TENM1: variants seen among roughly 807,000 people sequenced by gnomAD.
The protein encoded by TENM1 is teneurin-1.
In TENM1, 35 loss-of-function variants were observed where a neutral mutation model predicts 174.8. The ratio of observed to expected loss-of-function variants is 0.20; its 90% CI spans 0.15 to 0.27. The LOEUF (loss-of-function observed/expected upper bound fraction) is 0.27, where lower values mean the gene tolerates loss of function less well. Ranked by LOEUF, TENM1 falls within the 10% of genes least tolerant of loss-of-function variation. TENM1 has a pLI of 1.00. For missense variants in TENM1, 1,633 were observed against 2,130.1 expected (o/e 0.77, Z 4.59); for synonymous variants, 781 against 798.7 (o/e 0.98, Z 0.37).
intron 3 of TENM1, among the ~76,000 whole-genome samples, chrX:124,802,756 A>C (rs1165322261): frequency 9.0e-6 from 1 of 111,469 alleles, no homozygotes; most frequent in African/African-American, 3.3e-5. Flanking sequence ...CCCACCCCCC[A>C]ATAAAGGTTT....
At chrX:124,587,392 A>G (rs1446207785) in intron 11 of TENM1, among the ~76,000 whole-genome samples, 2 of 107,793 alleles carry the variant, frequency 1.9e-5, no homozygotes, top group African/African-American at 6.8e-5. Context: ...CCACATATCT[A>G]CAACTATCTG....
intron 4 of TENM1, among the ~76,000 whole-genome samples, chrX:124,719,248 G>A (rs2053254964): frequency 9.1e-6 from 1 of 109,825 alleles, no homozygotes; most frequent in African/African-American, 3.3e-5. Flanking sequence ...TTTGCACTTG[G>A]GATTGGTCTA....
rs11281621 is a variant in TENM1, at chrX:124,524,789, T to TGGTTC, written c.2772-1165_2772-1164insGAACC. 9.3e-5 allele frequency among the ~76,000 whole-genome samples: 6 copies of TGGTTC among 64,700 alleles called. No individual in the cohort carries two copies. In the African/African-American group the frequency reaches 9.6e-4, roughly 10 times the overall value. 56.2% of individuals were successfully genotyped at this position (64,700 alleles called of 115,157 possible). ...AGATTTCATTTCATTCTGCACTAGA[T>TGGTTC]TACTTCTCTTTTAAGTATAATGACG... On this transcript the variant is annotated intron_variant, in intron 16 of 31. Coordinates refer to ENST00000422452, the Ensembl canonical transcript of TENM1.
intron 23 of TENM1, among the ~76,000 whole-genome samples, chrX:124,430,928 T>G (rs1296228786): frequency 8.9e-6 from 1 of 111,854 alleles, no homozygotes; most frequent in African/African-American, 3.3e-5. Context: ...CTTAATTGAT[T>G]TCCTTTCTTC....
At chrX:124,557,079 G>A (rs1198529548) in intron 14 of TENM1, among the ~76,000 whole-genome samples, 1 of 111,755 alleles carries the variant, frequency 8.9e-6, no homozygotes, top group Non-Finnish European at 1.9e-5. Flanking sequence ...TAACATTTGA[G>A]TGAAACATTT....
chrX:124,880,099 A>C (rs1243518317), intron 3 of TENM1, among the ~76,000 whole-genome samples: 1 of 111,749 alleles, frequency 8.9e-6, no homozygotes, highest in Non-Finnish European at 1.9e-5. Context: ...TGGCATTTTC[A>C]TAAGGATTGC....
At chrX:124,544,694 T>C (rs1001021320) in intron 15 of TENM1, among the ~76,000 whole-genome samples, 4 of 111,970 alleles carry the variant, frequency 3.6e-5, no homozygotes, top group Admixed American at 9.5e-5. Flanking sequence ...ATTTACCTAG[T>C]ATAAATTTGG....
intron 11 of TENM1, among the ~76,000 whole-genome samples, chrX:124,612,202 G>T (rs1187480054): frequency 9.0e-6 from 1 of 110,982 alleles, no homozygotes; most frequent in Non-Finnish European, 1.9e-5. Flanking sequence ...ATGATTTCAA[G>T]GTGTGTGTGT....
the TENM1 span, among the ~76,000 whole-genome samples, chrX:125,001,331 T>A: frequency 9.0e-6 from 1 of 111,242 alleles, no homozygotes; most frequent in Non-Finnish European, 1.9e-5. Flanking sequence ...TTGACTGAGT[T>A]AGGTGAGATT....
At chrX:125,158,777 T>A in the TENM1 span, among the ~76,000 whole-genome samples, 8 of 111,612 alleles carry the variant, frequency 7.2e-5, no homozygotes, top group Non-Finnish European at 1.3e-4. Context: ...CACCCACAGT[T>A]TTAAGACACT....
chrX:124,381,200 C>T (rs764579928), exon 32 of TENM1: 6 of 1,206,666 alleles, frequency 5.0e-6, no homozygotes, highest in African/African-American at 1.7e-5. Flanking sequence ...TTCAAGGCAC[C>T]GTCCATCATT....
the TENM1 span, among the ~76,000 whole-genome samples, chrX:125,081,857 G>A: frequency 2.7e-5 from 3 of 110,963 alleles, no homozygotes; most frequent in Admixed American, 9.6e-5. Flanking sequence ...GGATGGAACC[G>A]GACAGGTCAT....
intron 5 of TENM1, among the ~76,000 whole-genome samples, chrX:124,677,589 G>A (rs949249934): frequency 2.1e-4 from 23 of 111,559 alleles, no homozygotes; most frequent in African/African-American, 7.5e-4. Flanking sequence ...AAGGAAATTC[G>A]CCATTGCATT....
In TENM1 at chrX:124,664,880, G is replaced by A. The variant is rs189167637; in HGVS notation, c.1168+6803C>T. ...GCCGTTATTTAAACAAACTGGCTTT[G>A]AGAAAGGAATTTTTTTGAAAAATGA... On this transcript the variant is annotated intron_variant, in intron 6 of 31. Transcript: ENST00000422452. 5.0e-3 allele frequency among the ~76,000 whole-genome samples: 561 copies of A among 111,335 alleles called. 3 individuals are homozygous for A. Among genetic ancestry groups the A allele is most frequent in the Non-Finnish European group, 8.9e-3 (472 of 53,104 alleles).
intron 3 of TENM1, among the ~76,000 whole-genome samples, chrX:124,797,939 A>G (rs1423074905): frequency 9.0e-6 from 1 of 111,044 alleles, no homozygotes; most frequent in Non-Finnish European, 1.9e-5. Flanking sequence ...GAGTGAGAAC[A>G]TGCAGTGTTT....
chrX:124,659,783 A>G (rs777726733), intron 6 of TENM1, among the ~76,000 whole-genome samples: 130 of 112,150 alleles, frequency 1.2e-3, no homozygotes, highest in Non-Finnish European at 2.0e-3. Flanking sequence ...ATAGATATAT[A>G]GATCAATGGA....
intron 25 of TENM1, among the ~76,000 whole-genome samples, chrX:124,408,440 G>A (rs181466073): frequency 3.3e-4 from 37 of 111,515 alleles, no homozygotes; most frequent in African/African-American, 1.0e-3. Flanking sequence ...CACCACGCCC[G>A]GCCCACTGTC....
the TENM1 span, among the ~76,000 whole-genome samples, chrX:124,997,309 C>A: frequency 9.0e-6 from 1 of 111,310 alleles, no homozygotes; most frequent in Admixed American, 9.6e-5. Context: ...AATTATGGTA[C>A]AGAATATAGT....
the TENM1 span, among the ~76,000 whole-genome samples, chrX:125,193,614 T>C: frequency 9.0e-6 from 1 of 111,164 alleles, no homozygotes; most frequent in Non-Finnish European, 1.9e-5. Context: ...TGAACTTGAC[T>C]ACCTGTGGAT....
Sources: allele counts gnomAD v4.1 joint callset (sites outside exome capture counted in the v4.1 genomes callset), GRCh38; gene constraint gnomAD v4.1.1; transcripts MANE v1.5; gene names NCBI Gene and HGNC (gene_info 2026-07-23, HGNC 2026-07-21).